Variants in NDUFA10 observed in about 807,000 individuals in gnomAD.
NDUFA10 encodes the protein NADH:ubiquinone oxidoreductase subunit A10.
In NDUFA10, 40 loss-of-function variants were observed where a neutral mutation model predicts 47.8. The ratio of observed to expected loss-of-function variants is 0.84; its 90% CI spans 0.65 to 1.09. The LOEUF (loss-of-function observed/expected upper bound fraction) is 1.09. NDUFA10 is among the 50% of genes least tolerant of loss of function. The probability of loss-of-function intolerance (pLI) is 0.00; values close to 1 mark genes in which losing one functional copy is unlikely to be tolerated. For missense variants in NDUFA10, 413 were observed against 451.1 expected (o/e 0.92, Z 0.76); for synonymous variants, 183 against 172.2 (o/e 1.06, Z -0.49).
downstream of NDUFA10, among the ~76,000 whole-genome samples, chr2:239,952,962 A>G (rs1318500078): frequency 1.3e-5 from 2 of 152,216 alleles, no homozygotes; most frequent in Non-Finnish European, 2.9e-5. Context: ...GGTAAGAAGA[A>G]GCTGAAGGGC....
chr2:239,925,363 A>T (rs59144391), intron 4 of NDUFA10, among the ~76,000 whole-genome samples: 6,980 of 152,286 alleles, frequency 0.046, 448 homozygotes, highest in African/African-American at 0.15. Flanking sequence ...ACCTAGAAAC[A>T]GATCCATACA....
rs990898690 is a variant in NDUFA10, at chr2:239,964,704, G to A, written c.1000-3518C>T. Among the ~76,000 whole-genome samples, 18 of 152,292 alleles carry A rather than the reference G, an allele frequency of 1.2e-4. 1 individual carries two copies. The highest frequency in any genetic ancestry group is 6.8e-3 in the Middle Eastern group (2 of 294). The stretch of plus-strand genomic sequence containing the variant: ...AGCAAGGCCCTCCAGGAACACTGCC[G>A]GCGAGGACACCTCCAGCAGAACCAC... On this transcript the variant is annotated intron_variant, in intron 9 of 9. Transcript: ENST00000252711.
At chr2:240,023,661 G>A (rs1697736173) in intron 1 of NDUFA10, among the ~76,000 whole-genome samples, 1 of 152,094 alleles carries the variant, frequency 6.6e-6, no homozygotes, top group African/African-American at 2.4e-5. Context: ...GGAATACTAA[G>A]TACTCAGAAA....
Position 239,959,967 on chromosome 2 carries a change from C to T in NDUFA10, c.*1151G>A. 1.0e-6 allele frequency: 1 copy of T among 985,496 alleles called. No individual in the cohort carries two copies. Among genetic ancestry groups the T allele is most frequent in the South Asian group, 4.7e-5 (1 of 21,292 alleles). 61.0% of individuals were successfully genotyped at this position (985,496 alleles called of 1,614,324 possible). A position where few individuals can be genotyped will look rare whatever the true frequency, so the allele number is the denominator to read the frequency against. ...GGGGAGCAGAGCATCGTCCTCTGCACCAGCACTGGAACTACTGCCCACAGG... is the reference window on the plus strand; with the variant it reads ...GGGGAGCAGAGCATCGTCCTCTGCATCAGCACTGGAACTACTGCCCACAGG... On this transcript the variant is annotated 3_prime_UTR_variant, in exon 10 of 10. Coordinates refer to ENST00000252711, the MANE Select transcript of NDUFA10 (RefSeq NM_004544.4).
intron 6 of NDUFA10, among the ~76,000 whole-genome samples, chr2:240,007,923 C>A (rs1326822478): frequency 6.6e-6 from 1 of 152,172 alleles, no homozygotes; most frequent in Admixed American, 6.5e-5. Context: ...CACCAGAGCA[C>A]CCTCCACACA....
In NDUFA10 at chr2:239,898,444, G is replaced by A. The variant is rs543380958; in HGVS notation, c.295-3130C>T. Among the ~76,000 whole-genome samples the A allele has an allele frequency of 2.1e-5, 3 of 144,362 alleles. No homozygotes were observed. In the East Asian group the frequency reaches 8.7e-4, roughly 42 times the overall value. The allele number at this position is 144,362 out of a possible 152,430, so 94.7% of individuals were successfully genotyped here. On this transcript the variant is annotated intron_variant, in intron 4 of 5. Coordinates refer to the NDUFA10 transcript ENST00000419408. ...TACACACACTCTGCTCTTTTTGTCA[G>A]CCCCCGGCCCACAAGTGAATTCCCA...
At chr2:239,912,439 G>C (rs1290015536) in intron 4 of NDUFA10, among the ~76,000 whole-genome samples, 1 of 152,208 alleles carries the variant, frequency 6.6e-6, no homozygotes, top group Non-Finnish European at 1.5e-5. Flanking sequence ...CAGACCCTGA[G>C]GGCAGAAAAG....
In NDUFA10 at chr2:239,985,507, G is replaced by C. The variant is rs1171340575; in HGVS notation, c.999+4567C>G. Among the ~76,000 whole-genome samples, 3 of 152,040 alleles carry C rather than the reference G, an allele frequency of 2.0e-5. No homozygotes were observed. The East Asian group carries it at 5.8e-4, about 29-fold the overall frequency. Reference sequence around the variant, plus strand: ...AAAAAAAGACAAGATATACAGAAAGGAGCAGACACACGAAGAATATGGTGC... The same window carrying C: ...AAAAAAAGACAAGATATACAGAAAGCAGCAGACACACGAAGAATATGGTGC... On this transcript the variant is annotated intron_variant, in intron 9 of 9. Transcript: ENST00000252711.
intron 4 of NDUFA10, among the ~76,000 whole-genome samples, chr2:239,935,328 C>T (rs1233906535): frequency 6.6e-6 from 1 of 152,186 alleles, no homozygotes; most frequent in East Asian, 1.9e-4. Flanking sequence ...AGTGAAAATC[C>T]ACTTTTGTAA....
intron 4 of NDUFA10, among the ~76,000 whole-genome samples, chr2:239,934,171 G>C (rs1258535268): frequency 6.6e-6 from 1 of 152,156 alleles, no homozygotes; most frequent in Non-Finnish European, 1.5e-5. Context: ...GAGCCACCAT[G>C]CCTGGCCAGA....
intron 4 of NDUFA10, among the ~76,000 whole-genome samples, chr2:239,923,224 T>C (rs140907838): frequency 1.1e-4 from 17 of 152,308 alleles, no homozygotes; most frequent in African/African-American, 3.8e-4. Flanking sequence ...CTTGTAGACT[T>C]CAATACCCTT....
rs115706740 is a variant in NDUFA10, at chr2:239,918,834, C to G, written c.295-23520G>C. 5.5e-3 allele frequency among the ~76,000 whole-genome samples: 834 copies of G among 152,300 alleles called. 8 individuals carry two copies. Among genetic ancestry groups the G allele is most frequent in the African/African-American group, 0.019 (796 of 41,552 alleles). ...GCTGAGGGCTTGCCAAGGACACAGC[C>G]AGTTCAGGAAGGGGTGGCCCGTGTG... On this transcript the variant is annotated intron_variant, in intron 4 of 5. Coordinates refer to the NDUFA10 transcript ENST00000419408.
chr2:239,972,055 T>G (rs932649882), intron 9 of NDUFA10, among the ~76,000 whole-genome samples: 1 of 152,070 alleles, frequency 6.6e-6, no homozygotes, highest in African/African-American at 2.4e-5. Context: ...GCACTTCTCT[T>G]GGGGGATGTT....
At chr2:239,956,121 A>G (rs1243302637), downstream of NDUFA10, among the ~76,000 whole-genome samples, 1 of 152,150 alleles carries the variant, frequency 6.6e-6, no homozygotes, top group Non-Finnish European at 1.5e-5. Context: ...ACTGACTCCC[A>G]AGAGCTAGCA....
chr2:239,959,462 A>C lies in NDUFA10; in HGVS notation c.*1656T>G. 2 of 985,496 alleles carry C rather than the reference A, an allele frequency of 2.0e-6. No individual in the cohort carries two copies. Among genetic ancestry groups the C allele is most frequent in the African/African-American group, 3.5e-5 (2 of 57,380 alleles). The allele number at this position is 985,496 out of a possible 1,614,324, so 61.0% of individuals were successfully genotyped here. On this transcript the variant is annotated 3_prime_UTR_variant, in exon 10 of 10. Transcript: ENST00000252711. ...TCCACAATGGGTTTGTGAAGTGCTCAGAGCAAAAGACACTCTGTGACTGGC... is the reference window on the plus strand; with the variant it reads ...TCCACAATGGGTTTGTGAAGTGCTCCGAGCAAAAGACACTCTGTGACTGGC...
At chr2:239,981,242 C>G (rs1348415424) in intron 9 of NDUFA10, among the ~76,000 whole-genome samples, 1 of 152,262 alleles carries the variant, frequency 6.6e-6, no homozygotes. Flanking sequence ...GAGGGACCCA[C>G]TCTCACCAAA....
intron 3 of NDUFA10, 176 bp downstream of exon 3, chr2:240,021,021 T>C: frequency 1.5e-6 from 1 of 664,892 alleles, no homozygotes; most frequent in East Asian, 2.7e-5. Flanking sequence ...AGCATTAAAT[T>C]AATTCTGAAG....
intron 9 of NDUFA10, among the ~76,000 whole-genome samples, chr2:239,973,233 T>G (rs1166615065): frequency 6.6e-6 from 1 of 152,192 alleles, no homozygotes; most frequent in Non-Finnish European, 1.5e-5. Flanking sequence ...ACTGAAAATT[T>G]GTATTTTAAC....
At chr2:239,908,614 C>T (rs907883773) in intron 4 of NDUFA10, among the ~76,000 whole-genome samples, 1 of 152,170 alleles carries the variant, frequency 6.6e-6, no homozygotes, top group East Asian at 1.9e-4. Context: ...TTCAGCAAAC[C>T]TTAAGTAAGA....
Sources: allele counts gnomAD v4.1 joint callset (sites outside exome capture counted in the v4.1 genomes callset), GRCh38; gene constraint gnomAD v4.1.1; transcripts MANE v1.5; gene names NCBI Gene and HGNC (gene_info 2026-07-23, HGNC 2026-07-21).